Variants in CRISPLD2 observed in about 807,000 individuals in gnomAD.
The protein encoded by CRISPLD2 is cysteine-rich secretory protein LCCL domain-containing 2.
CRISPLD2 carries 47 observed loss-of-function variants against 71.1 expected under a neutral mutation model. The observed-to-expected ratio is 0.66, with a 90% confidence interval of 0.52 to 0.84. CRISPLD2 has a LOEUF of 0.84. Among genes scored for constraint, CRISPLD2 ranks in the 40% least tolerant of loss-of-function variants. CRISPLD2 has a pLI of 0.00. For synonymous variants in CRISPLD2, 317 were observed against 250.1 expected (o/e 1.27, Z -2.52); for missense variants, 830 against 651.1 (o/e 1.27, Z -2.99).
At chr16:84,888,200 C>T (rs1435858434) in intron 13 of CRISPLD2, among the ~76,000 whole-genome samples, 1 of 152,200 alleles carries the variant, frequency 6.6e-6, no homozygotes, top group East Asian at 1.9e-4. Context: ...CTAGAGGCCA[C>T]CTGCATTCAT....
intron 14 of CRISPLD2, among the ~76,000 whole-genome samples, chr16:84,903,053 C>T (rs1367743431): frequency 2.0e-5 from 3 of 152,020 alleles, no homozygotes; most frequent in African/African-American, 4.8e-5. Flanking sequence ...CAGGAATGAT[C>T]CACCGTGCCT....
At chr16:84,890,856 T>C (rs922489216) in intron 14 of CRISPLD2, among the ~76,000 whole-genome samples, 6 of 152,142 alleles carry the variant, frequency 3.9e-5, no homozygotes, top group African/African-American at 1.4e-4. Flanking sequence ...GTGGGGCCTT[T>C]CCTGAGTGTC....
intron 14 of CRISPLD2, among the ~76,000 whole-genome samples, chr16:84,899,343 C>G (rs926960356): frequency 6.7e-6 from 1 of 148,314 alleles, no homozygotes; most frequent in Non-Finnish European, 1.5e-5. Context: ...GAGTTACAAG[C>G]TAATCCAAAA....
intron 7 of CRISPLD2, among the ~76,000 whole-genome samples, chr16:84,867,884 C>T (rs1217151071): frequency 6.6e-6 from 1 of 152,210 alleles, no homozygotes; most frequent in East Asian, 1.9e-4. Context: ...CCTTCACCGC[C>T]CCAGGGTGGA....
At position 84,854,797 on chromosome 16, in the gene CRISPLD2, G is replaced by T; in HGVS notation, c.677G>T (p.Gly226Val). ...TGCTCTGAGTGCCCACCCAGCTATG[G>T]AGGCAGCTGCAGGAACAACTTGTGT... is the stretch of plus-strand genomic sequence containing the variant. ...RPCSECPPSY[G>V]GSCRNNLCYR... The change falls in exon 6 of 15, where the codon GGA becomes GTA. Residue 226 changes from glycine (G) to valine (V), a missense_variant. Gly to Val is a moderately radical substitution (Grantham distance 109). Coordinates refer to ENST00000262424, the MANE Select transcript of CRISPLD2 (RefSeq NM_031476.4). 6.2e-7 allele frequency: 1 copy of T among 1,614,148 alleles called. No individual in the cohort carries two copies. The highest frequency in any genetic ancestry group is 8.5e-7 in the Non-Finnish European group (1 of 1,180,010).
chr16:84,838,650 C>G lies in CRISPLD2; in HGVS notation c.155C>G (p.Pro52Arg), dbSNP rs148905802. 1 of 1,614,242 alleles carries G rather than the reference C, an allele frequency of 6.2e-7. No homozygotes were observed. Among genetic ancestry groups the G allele is most frequent in the Non-Finnish European group, 8.5e-7 (1 of 1,180,042 alleles). Residue 52 changes from proline to arginine, a missense_variant, in exon 2 of 15, where the codon CCC (proline) becomes CGC (arginine). Physicochemically the swap from Pro to Arg is moderately radical, Grantham distance 103. Coordinates refer to ENST00000262424, the MANE Select transcript of CRISPLD2 (RefSeq NM_031476.4). The part of the protein sequence containing the change: ...ESHSRVRRAI[P>R]REDKEEILML... ...CACTCCCGGGTCCGCAGAGCCATCC[C>G]CAGGGAGGACAAGGAGGAGATCCTC...
intron 13 of CRISPLD2, among the ~76,000 whole-genome samples, chr16:84,884,488 C>T (rs76061420): frequency 8.3e-4 from 127 of 152,274 alleles, no homozygotes; most frequent in African/African-American, 2.8e-3. Context: ...CACAGCCAGC[C>T]GGCGCTGGAT....
intron 14 of CRISPLD2, among the ~76,000 whole-genome samples, chr16:84,905,765 A>G (rs2071796669): frequency 6.8e-6 from 1 of 147,064 alleles, no homozygotes; most frequent in South Asian, 2.1e-4. Context: ...GCTGGAGTGC[A>G]ATGCCTTGAT....
chr16:84,894,123 G>A (rs1335274132), intron 14 of CRISPLD2, among the ~76,000 whole-genome samples: 1 of 152,142 alleles, frequency 6.6e-6, no homozygotes, highest in Non-Finnish European at 1.5e-5. Flanking sequence ...GGACTTCCTG[G>A]ACGTTTTGAA....
Position 84,880,630 on chromosome 16 carries a change from A to G in CRISPLD2, c.1305+46A>G, listed in dbSNP as rs762620546. The G allele has an allele frequency of 2.9e-5, 43 of 1,467,398 alleles. No individual in the cohort carries two copies. The Middle Eastern group carries it at 6.9e-4, about 24-fold the overall frequency. 90.9% of individuals were successfully genotyped at this position (1,467,398 alleles called of 1,614,324 possible). ...ACAACTATCTCGCAAAGCCTGTTAAAGACCTCAACATGCAAGCTCCAAGAT... is the reference window on the plus strand; with the variant it reads ...ACAACTATCTCGCAAAGCCTGTTAAGGACCTCAACATGCAAGCTCCAAGAT... On this transcript the variant is annotated intron_variant, in intron 13 of 14. Transcript: ENST00000262424.
chr16:84,900,664 G>T (rs146420261), intron 14 of CRISPLD2, among the ~76,000 whole-genome samples: 1 of 152,030 alleles, frequency 6.6e-6, no homozygotes, highest in Non-Finnish European at 1.5e-5. Context: ...ACGTCCTTTG[G>T]TCCAGCAATT....
At chr16:84,868,822 T>C (rs376476534) in intron 7 of CRISPLD2, 29 bp from the exon 8 acceptor site, 26 of 1,600,780 alleles carry the variant, frequency 1.6e-5, no homozygotes, top group Non-Finnish European at 2.2e-5. Flanking sequence ...TTTCGTGCCG[T>C]GACATGTATT....
chr16:84,890,819 C>A (rs1386766733), intron 14 of CRISPLD2, among the ~76,000 whole-genome samples: 1 of 152,140 alleles, frequency 6.6e-6, no homozygotes, highest in Non-Finnish European at 1.5e-5. Flanking sequence ...AAAGACCAAA[C>A]AAAGTCCCTA....
chr16:84,844,584 A>G (rs552708671), intron 2 of CRISPLD2, among the ~76,000 whole-genome samples: 9 of 151,566 alleles, frequency 5.9e-5, no homozygotes, highest in East Asian at 3.9e-4. Context: ...GCGGGTCTCC[A>G]ACTCCTGACC....
At chr16:84,877,906 C>T (rs968858737) in intron 12 of CRISPLD2, among the ~76,000 whole-genome samples, 34 of 151,050 alleles carry the variant, frequency 2.3e-4, no homozygotes, top group African/African-American at 5.4e-4. Flanking sequence ...ATACGATCCA[C>T]CCATTAGAAG....
chr16:84,884,909 G>T (rs923967487), intron 13 of CRISPLD2, among the ~76,000 whole-genome samples: 4 of 152,250 alleles, frequency 2.6e-5, no homozygotes, highest in African/African-American at 9.6e-5. Context: ...GCTTTTAGAG[G>T]TTGAGTTTGT....
At chr16:84,877,544 G>A (rs2071530732) in intron 12 of CRISPLD2, 34 bp downstream of exon 12, 2 of 1,598,350 alleles carry the variant, frequency 1.3e-6, no homozygotes, top group Admixed American at 1.7e-5. Flanking sequence ...CTTTTCTATG[G>A]AAGATGTTAG....
rs60712980 is a variant in CRISPLD2 at position 84,833,716 on chromosome 16, G to A, written c.-74-4706G>A. The stretch of plus-strand genomic sequence containing the variant: ...GGGTCAAAGGCGAGTGGGCAGCACC[G>A]ATGGTGGTGGGGGGGCGTGTTTGTG... On this transcript the variant is annotated intron_variant, in intron 1 of 14. Transcript: ENST00000262424. Among the ~76,000 whole-genome samples, 523 of 152,304 alleles carry A rather than the reference G, an allele frequency of 3.4e-3. 3 individuals carry two copies. Among genetic ancestry groups the A allele is most frequent in the Middle Eastern group, 0.02 (6 of 294 alleles).
chr16:84,893,528 C>T (rs1200285986), intron 14 of CRISPLD2, among the ~76,000 whole-genome samples: 2 of 152,220 alleles, frequency 1.3e-5, no homozygotes, highest in African/African-American at 4.8e-5. Flanking sequence ...CACCCAGGAT[C>T]CCACAGGGAG....
Sources: allele counts gnomAD v4.1 joint callset (sites outside exome capture counted in the v4.1 genomes callset), GRCh38; gene constraint gnomAD v4.1.1; transcripts MANE v1.5; gene names NCBI Gene and HGNC (gene_info 2026-07-23, HGNC 2026-07-21).